The following EPAS1 variants were observed in gnomAD, a reference collection of about 807,000 sequenced individuals.
EPAS1 encodes the protein endothelial PAS domain-containing protein 1.
In EPAS1, 23 loss-of-function variants were observed where a neutral mutation model predicts 87.9. The ratio of observed to expected loss-of-function variants is 0.26; its 90% confidence interval spans 0.19 to 0.37. The LOEUF (loss-of-function observed/expected upper bound fraction) is 0.37, where lower values mean the gene tolerates loss of function less well. EPAS1 is among the 10% of genes least tolerant of loss of function. The pLI, the probability that EPAS1 is intolerant of heterozygous loss-of-function variation, is 1.00. For missense variants in EPAS1, 1,138 were observed against 1,120.7 expected, an observed-to-expected ratio of 1.02 and a Z score of -0.22; for synonymous variants, 508 against 444.3, an observed-to-expected ratio of 1.14 and a Z score of -1.80.
chr2:46,331,408 A>G (rs1683670364), intron 1 of EPAS1, among the ~76,000 whole-genome samples: 1 of 152,248 alleles, frequency 6.6e-6, no homozygotes, highest in South Asian at 2.1e-4. Context: ...ACTTTTTACA[A>G]AAATGCTAAA....
At position 46,375,985 on chromosome 2, in the gene EPAS1, G is replaced by C; in HGVS notation, c.1034+148G>C. 1 of 1,033,858 alleles carries C rather than the reference G, an allele frequency of 9.7e-7. No homozygotes were observed. The highest frequency in any genetic ancestry group is 2.4e-5 in the East Asian group (1 of 41,020). The allele number at this position is 1,033,858 out of a possible 1,614,324, so 64.0% of individuals were successfully genotyped here. A position where few individuals can be genotyped will look rare whatever the true frequency, so the allele number is the denominator to read the frequency against. ...GAGGTCTTGCAGGGCTAACCCTAGT[G>C]ACTGAGAGGACTTCCTGTGGATGTC... On this transcript the variant is annotated intron_variant, in intron 8 of 15. Coordinates refer to ENST00000263734, the MANE Select transcript of EPAS1 (RefSeq NM_001430.5). This position sits in a 1 kb window ranked among gnomAD's most constrained non-coding sequence, Gnocchi z 4.1.
At position 46,356,756 on chromosome 2, in the gene EPAS1, C is replaced by T. The variant is rs544567363; in HGVS notation, c.402C>T (p.Phe134=). The T allele has an allele frequency of 2.5e-6, 4 of 1,614,012 alleles. No individual in the cohort carries two copies. The highest frequency in any genetic ancestry group is 3.4e-6 in the Non-Finnish European group (4 of 1,179,850). The change falls in exon 4 of 16, where the codon TTC becomes TTT. Residue 134 remains phenylalanine (F), a synonymous_variant. Coordinates refer to ENST00000263734, the MANE Select transcript of EPAS1 (RefSeq NM_001430.5). Reference sequence around the variant, plus strand: ...TAACAGGACATAGTATCTTTGACTTCACTCATCCCTGCGACCATGAGGAGA... The same window carrying T: ...TAACAGGACATAGTATCTTTGACTTTACTCATCCCTGCGACCATGAGGAGA... ...VELTGHSIFD[F]THPCDHEEIR...
rs754297723 is a variant in EPAS1, at chr2:46,381,345, T to C, written c.2046-251T>C. 5.3e-6 allele frequency: 3 copies of C among 564,690 alleles called. No homozygotes were observed. In the South Asian group the frequency reaches 5.8e-5, roughly 11 times the overall value. The allele number at this position is 564,690 out of a possible 1,614,324, so 35.0% of individuals were successfully genotyped here. ...GGGCAGAAGAAACCCTCCTAAGGAC[T>C]AACATTGCCCAGCCAGGCAGCCATC... is the stretch of plus-strand genomic sequence containing the variant. On this transcript the variant is annotated intron_variant, in intron 12 of 15. Coordinates refer to ENST00000263734, the MANE Select transcript of EPAS1 (RefSeq NM_001430.5).
chr2:46,352,873 C>T (rs964361293), intron 2 of EPAS1, among the ~76,000 whole-genome samples: 1 of 152,206 alleles, frequency 6.6e-6, no homozygotes, highest in Admixed American at 6.5e-5. Flanking sequence ...GCCAGCTGAC[C>T]CGATGCTGCT....
At chr2:46,368,641 C>G (rs975479795) in intron 6 of EPAS1, among the ~76,000 whole-genome samples, 1 of 152,194 alleles carries the variant, frequency 6.6e-6, no homozygotes, top group African/African-American at 2.4e-5. Context: ...GCCACTGCTT[C>G]TGCTTTCTGC....
intron 1 of EPAS1, among the ~76,000 whole-genome samples, chr2:46,338,543 C>T (rs1239818225): frequency 1.3e-5 from 2 of 152,128 alleles, no homozygotes; most frequent in African/African-American, 4.8e-5. Context: ...TACATCCCTG[C>T]AGTGGATAAG....
intron 2 of EPAS1, among the ~76,000 whole-genome samples, chr2:46,355,581 T>C (rs989511679): frequency 4.6e-5 from 7 of 152,268 alleles, no homozygotes; most frequent in Non-Finnish European, 8.8e-5. Flanking sequence ...CATGTAGTAA[T>C]TGCAGTATAT....
intron 1 of EPAS1, among the ~76,000 whole-genome samples, chr2:46,318,475 A>G (rs561116314): frequency 6.6e-6 from 1 of 152,364 alleles, no homozygotes; most frequent in African/African-American, 2.4e-5. Flanking sequence ...TCAATTTGTA[A>G]AAAGTGCAAT....
intron 1 of EPAS1, among the ~76,000 whole-genome samples, chr2:46,328,316 G>A (rs953199469): frequency 6.6e-6 from 1 of 152,190 alleles, no homozygotes; most frequent in African/African-American, 2.4e-5. Flanking sequence ...GAGGCATTAA[G>A]TACTTCTGTC....
chr2:46,308,496 A>G (rs60746286), intron 1 of EPAS1, among the ~76,000 whole-genome samples: 11,113 of 141,086 alleles, frequency 0.079, 819 homozygotes, highest in African/African-American at 0.19. Flanking sequence ...TTAGTTTTTT[A>G]AAAAAAATAA....
chr2:46,328,899 A>G (rs1217853156), intron 1 of EPAS1, among the ~76,000 whole-genome samples: 1 of 152,202 alleles, frequency 6.6e-6, no homozygotes, highest in African/African-American at 2.4e-5. Flanking sequence ...CCCTTGTCTC[A>G]TTCCCTGTTC....
chr2:46,356,127 T>TGGGGGG, intron 2 of EPAS1, 24 bp from the exon 3 acceptor site: 99 of 1,395,124 alleles, frequency 7.1e-5, no homozygotes, highest in Non-Finnish European at 9.0e-5. Context: ...TCATGCAAGC[T>TGGGGGG]GTCCCACCCC....
At position 46,356,233 on chromosome 2, in the gene EPAS1, C is replaced by T. The variant is rs781580686; in HGVS notation, c.300C>T (p.Ala100=). 14 of 1,613,392 alleles carry T rather than the reference C, an allele frequency of 8.7e-6. No homozygotes were observed. Among genetic ancestry groups the T allele is most frequent in the South Asian group, 2.2e-5 (2 of 91,062 alleles). The part of the protein sequence containing the change: ...LYLKALEGFI[A]VVTQDGDMIF... ...TGAAAGCCTTGGAGGGTTTCATTGC[C>T]GTGGTGACCCAAGATGGCGACATGA... is the stretch of plus-strand genomic sequence containing the variant. The change falls in exon 3 of 16, where the codon GCC becomes GCT. Residue 100 remains alanine (A), a synonymous_variant. Coordinates refer to ENST00000263734, the MANE Select transcript of EPAS1 (RefSeq NM_001430.5).
In EPAS1 at chr2:46,384,718, C is replaced by T. The variant is rs867551648; in HGVS notation, c.*58C>T. The T allele has an allele frequency of 6.3e-7, 1 of 1,594,420 alleles. No individual in the cohort carries two copies. The highest frequency in any genetic ancestry group is 8.5e-7 in the Non-Finnish European group (1 of 1,172,008). On this transcript the variant is annotated 3_prime_UTR_variant, in exon 16 of 16. Coordinates refer to ENST00000263734, the MANE Select transcript of EPAS1 (RefSeq NM_001430.5). ...GACGCCGTCCCACCAGCTTCACTCT[C>T]TCCGTCTGTTTTTGCAACTAGGTAT... is the stretch of plus-strand genomic sequence containing the variant.
intron 1 of EPAS1, among the ~76,000 whole-genome samples, chr2:46,317,212 C>T (rs917796276): frequency 2.0e-5 from 3 of 152,166 alleles, no homozygotes; most frequent in Non-Finnish European, 1.5e-5. Context: ...TGACATCCTC[C>T]CACAAATTAC....
intron 2 of EPAS1, among the ~76,000 whole-genome samples, chr2:46,350,106 T>C (rs1266873425): frequency 6.6e-6 from 1 of 152,204 alleles, no homozygotes; most frequent in Non-Finnish European, 1.5e-5. Context: ...TGAACAAATA[T>C]ATTGATTTAT....
intron 6 of EPAS1, among the ~76,000 whole-genome samples, chr2:46,362,474 G>T (rs988804697): frequency 8.5e-5 from 13 of 152,164 alleles, no homozygotes; most frequent in Admixed American, 7.9e-4. Flanking sequence ...TAGTGGCTGG[G>T]GGGCAGGAAG....
At chr2:46,329,316 C>A (rs1437146182) in intron 1 of EPAS1, among the ~76,000 whole-genome samples, 3 of 152,150 alleles carry the variant, frequency 2.0e-5, no homozygotes, top group African/African-American at 7.2e-5. Flanking sequence ...GACTCAGCAC[C>A]TATGCCGACA....
Position 46,361,039 on chromosome 2 carries a change from C to T in EPAS1, c.728C>T (p.Thr243Ile). 1 of 1,614,170 alleles carries T rather than the reference C, an allele frequency of 6.2e-7. No individual in the cohort carries two copies. The highest frequency in any genetic ancestry group is 8.5e-7 in the Non-Finnish European group (1 of 1,180,036). Reference protein sequence around the residue: ...SHMDIPLDSKTFLSRHSMDMK... With the variant: ...SHMDIPLDSKIFLSRHSMDMK... The stretch of plus-strand genomic sequence containing the variant: ...ATGGACATCCCCCTGGATAGCAAGA[C>T]CTTCCTGAGCCGCCACAGCATGGAC... The change falls in exon 6 of 16, where the codon ACC becomes ATC. Residue 243 changes from threonine (T) to isoleucine (I), a missense_variant. Physicochemically the swap from Thr to Ile is moderately conservative, Grantham distance 89. Coordinates refer to ENST00000263734, the MANE Select transcript of EPAS1 (RefSeq NM_001430.5).
Sources: allele counts gnomAD v4.1 joint callset (sites outside exome capture counted in the v4.1 genomes callset), GRCh38; gene constraint gnomAD v4.1.1; non-coding constraint Gnocchi (gnomAD v3.1); transcripts MANE v1.5; gene names NCBI Gene and HGNC (gene_info 2026-07-23, HGNC 2026-07-21).